The following LHX8 variants were observed in gnomAD, a reference collection of about 807,000 sequenced individuals.
The protein encoded by LHX8 is LIM/homeobox protein Lhx8.
In LHX8, 12 loss-of-function variants were observed where a neutral mutation model predicts 40.3. The observed-to-expected ratio is 0.30, with a 90% confidence interval of 0.19 to 0.48. The LOEUF (loss-of-function observed/expected upper bound fraction) is 0.48. Among genes scored for constraint, LHX8 ranks in the 20% least tolerant of loss-of-function variants. The pLI, the probability that LHX8 is intolerant of heterozygous loss-of-function variation, is 0.99. For synonymous variants in LHX8, 179 were observed against 162.0 expected (o/e 1.10, Z -0.80); for missense variants, 344 against 433.7 (o/e 0.79, Z 1.84).
intron 7 of LHX8, among the ~76,000 whole-genome samples, chr1:75,150,391 A>T (rs1410168439): frequency 1.3e-5 from 2 of 152,210 alleles, no homozygotes; most frequent in Non-Finnish European, 2.9e-5. Context: ...CTATGCAAAC[A>T]GGTATTTGAA....
upstream of LHX8, chr1:75,130,347 T>A (rs1352780660): frequency 2.8e-6 from 1 of 354,932 alleles, no homozygotes; most frequent in Non-Finnish European, 5.3e-6. Flanking sequence ...AACTTGGCTT[T>A]CCGCTATTGG....
upstream of LHX8, chr1:75,130,292 G>T: frequency 4.5e-6 from 1 of 224,610 alleles, no homozygotes; most frequent in South Asian, 8.3e-5. Context: ...CTGCGAACCG[G>T]CTGGAAAGAA....
chr1:75,163,508 C>T (rs527896660), downstream of LHX8, among the ~76,000 whole-genome samples: 74 of 152,190 alleles, frequency 4.9e-4, no homozygotes, highest in African/African-American at 1.4e-3. Flanking sequence ...TGGCTCCTAC[C>T]GGAGGAGATA....
At chr1:75,161,929 T>G (rs1441531721), downstream of LHX8, among the ~76,000 whole-genome samples, 1 of 152,172 alleles carries the variant, frequency 6.6e-6, no homozygotes, top group Non-Finnish European at 1.5e-5. Flanking sequence ...AGCTGAAATC[T>G]TAAACCTCAG....
the LHX8 span, among the ~76,000 whole-genome samples, chr1:75,192,245 C>T: frequency 4.6e-5 from 7 of 152,072 alleles, no homozygotes; most frequent in Non-Finnish European, 4.4e-5. Flanking sequence ...TTTGGTATGC[C>T]GATACCAAGT....
intron 6 of LHX8, among the ~76,000 whole-genome samples, chr1:75,145,398 T>C (rs551756693): frequency 5.3e-5 from 8 of 152,276 alleles, no homozygotes; most frequent in South Asian, 2.1e-4. Context: ...TCATTTGATA[T>C]AATAATTTAT....
the LHX8 span, among the ~76,000 whole-genome samples, chr1:75,187,159 G>A: frequency 2.6e-4 from 39 of 152,256 alleles, no homozygotes; most frequent in African/African-American, 6.3e-4. Context: ...TTGACATGAA[G>A]GTGGCTGAAC....
the LHX8 span, among the ~76,000 whole-genome samples, chr1:75,173,881 T>C: frequency 0.017 from 2,614 of 152,258 alleles, 78 homozygotes; most frequent in African/African-American, 0.06. Flanking sequence ...TCTGGGATCC[T>C]AGCTATACAG....
the LHX8 span, among the ~76,000 whole-genome samples, chr1:75,177,436 ATTGT>A: frequency 6.6e-6 from 1 of 152,148 alleles, no homozygotes; most frequent in Non-Finnish European, 1.5e-5. Flanking sequence ...CTTTGCAGCA[ATTGT>A]GAATGGGAGT....
Position 75,150,492 on chromosome 1 carries a change from A to T in LHX8, c.780+1810A>T, listed in dbSNP as rs1237993715. Among the ~76,000 whole-genome samples, 4 of 152,036 alleles carry T rather than the reference A, an allele frequency of 2.6e-5. No individual in the cohort carries two copies. The South Asian group carries it at 6.2e-4, about 24-fold the overall frequency. On this transcript the variant is annotated intron_variant, in intron 7 of 8. Transcript: ENST00000356261. ...GATCATAGGGTATAAAAGGTGAAGA[A>T]CGGGTTTCAGAGAGGAGAGCAGGGT...
At chr1:75,184,415 A>T in the LHX8 span, among the ~76,000 whole-genome samples, 4 of 152,196 alleles carry the variant, frequency 2.6e-5, no homozygotes, top group East Asian at 1.9e-4. Context: ...ATCATACCAA[A>T]CACACTTTCA....
At chr1:75,130,807 C>A (rs1193934227), upstream of LHX8, 11 of 1,408,212 alleles carry the variant, frequency 7.8e-6, no homozygotes, top group South Asian at 3.5e-5. Flanking sequence ...AATGGTTACA[C>A]GTGATGGGCA....
the LHX8 span, among the ~76,000 whole-genome samples, chr1:75,191,712 G>A: frequency 6.6e-6 from 1 of 152,316 alleles, no homozygotes. Context: ...TTACTAAGAA[G>A]ATGGTCATTA....
At chr1:75,151,479 T>C (rs926584456) in intron 7 of LHX8, among the ~76,000 whole-genome samples, 15 of 152,142 alleles carry the variant, frequency 9.9e-5, no homozygotes, top group Non-Finnish European at 1.8e-4. Flanking sequence ...GGCCAGGAGA[T>C]GGTAAGAGAA....
the LHX8 span, among the ~76,000 whole-genome samples, chr1:75,183,545 G>C: frequency 6.6e-6 from 1 of 151,958 alleles, no homozygotes; most frequent in Non-Finnish European, 1.5e-5. Context: ...TAGCAAAAGA[G>C]AAATAAAATC....
At chr1:75,177,255 T>C in the LHX8 span, among the ~76,000 whole-genome samples, 4 of 152,188 alleles carry the variant, frequency 2.6e-5, no homozygotes, top group Non-Finnish European at 4.4e-5. Flanking sequence ...ATCTGTAAAT[T>C]ACCTTGGGCA....
At chr1:75,181,531 G>T in the LHX8 span, among the ~76,000 whole-genome samples, 6 of 151,042 alleles carry the variant, frequency 4.0e-5, no homozygotes, top group African/African-American at 1.4e-4. Context: ...CTCCTGGTGT[G>T]CCATTTGCTA....
At chr1:75,194,012 G>A in the LHX8 span, among the ~76,000 whole-genome samples, 2 of 152,164 alleles carry the variant, frequency 1.3e-5, no homozygotes, top group African/African-American at 4.8e-5. Flanking sequence ...GGCTGCTTAA[G>A]GGGTTGCTTC....
the LHX8 span, among the ~76,000 whole-genome samples, chr1:75,191,367 C>T: frequency 2.0e-5 from 3 of 152,222 alleles, no homozygotes; most frequent in African/African-American, 7.2e-5. Context: ...GCACCCCACC[C>T]GCAGCCCCCA....
Sources: allele counts gnomAD v4.1 joint callset (sites outside exome capture counted in the v4.1 genomes callset), GRCh38; gene constraint gnomAD v4.1.1; transcripts MANE v1.5; gene names NCBI Gene and HGNC (gene_info 2026-07-23, HGNC 2026-07-21).